CWF19L2: variants seen among roughly 807,000 people sequenced by gnomAD.
The protein encoded by CWF19L2 is CWF19-like protein 2.
CWF19L2 carries 98 observed loss-of-function variants against 111.7 expected under a neutral mutation model. The observed-to-expected ratio is 0.88, with a 90% confidence interval of 0.75 to 1.04. The LOEUF (loss-of-function observed/expected upper bound fraction) is 1.04. CWF19L2 is among the 50% of genes least tolerant of loss of function. The pLI is 0.00. For synonymous variants in CWF19L2, 351 were observed against 342.9 expected (o/e 1.02, Z -0.26); for missense variants, 1,101 against 1,051.4 (o/e 1.05, Z -0.65).
chr11:107,403,391 G>A lies in CWF19L2; in HGVS notation c.1618-10496C>T, dbSNP rs1224605695. The A allele has an allele frequency of 4.0e-6, 3 of 742,908 alleles. No individual in the cohort carries two copies. The African/African-American group carries it at 5.2e-5, about 13-fold the overall frequency. The allele number at this position is 742,908 out of a possible 1,614,324, so 46.0% of individuals were successfully genotyped here. A position where few individuals can be genotyped will look rare whatever the true frequency, so the allele number is the denominator to read the frequency against. Reference sequence around the variant, plus strand: ...AAACTATTTAGAACACATAAAACATGGCAACACTTATTCTTTTTTCTCATC... The same window carrying A: ...AAACTATTTAGAACACATAAAACATAGCAACACTTATTCTTTTTTCTCATC... On this transcript the variant is annotated intron_variant, in intron 10 of 17. Transcript: ENST00000282251.
intron 8 of CWF19L2, among the ~76,000 whole-genome samples, chr11:107,428,058 A>G (rs1861405144): frequency 6.6e-6 from 1 of 152,092 alleles, no homozygotes; most frequent in Non-Finnish European, 1.5e-5. Flanking sequence ...ATTTTTAAAC[A>G]TATTTTAATG....
chr11:107,378,995 A>G (rs927905213), intron 12 of CWF19L2, among the ~76,000 whole-genome samples: 2 of 152,166 alleles, frequency 1.3e-5, no homozygotes, highest in African/African-American at 4.8e-5. Flanking sequence ...TAGCTTTCTA[A>G]TCTAGGTTAG....
At chr11:107,453,856 A>G (rs973733066) in intron 3 of CWF19L2, among the ~76,000 whole-genome samples, 1 of 151,840 alleles carries the variant, frequency 6.6e-6, no homozygotes. Flanking sequence ...GCCTTAAGGG[A>G]ACATCAGTGG....
intron 10 of CWF19L2, chr11:107,403,672 C>T (rs964788447): frequency 7.7e-6 from 6 of 778,998 alleles, no homozygotes; most frequent in Middle Eastern, 2.3e-4. Context: ...CTTGTTCTTC[C>T]TCAGGAATGA....
chr11:107,420,007 C>T (rs765868512), intron 8 of CWF19L2, among the ~76,000 whole-genome samples: 1 of 151,508 alleles, frequency 6.6e-6, no homozygotes, highest in Non-Finnish European at 1.5e-5. Context: ...AGGTATAGTA[C>T]ACCATCAAAG....
At chr11:107,427,741 C>T (rs1482370465) in intron 8 of CWF19L2, among the ~76,000 whole-genome samples, 1 of 152,112 alleles carries the variant, frequency 6.6e-6, no homozygotes, top group Admixed American at 6.6e-5. Context: ...CAGCCTTAGA[C>T]AATAATCCCT....
chr11:107,330,116 C>T, intron 16 of CWF19L2, 97 bp from the exon 17 acceptor site: 1 of 621,610 alleles, frequency 1.6e-6, no homozygotes, highest in Non-Finnish European at 2.6e-6. Flanking sequence ...TAATCTTAAG[C>T]ATTCCTCAAG....
chr11:107,415,272 C>T (rs1392168141), intron 10 of CWF19L2, among the ~76,000 whole-genome samples: 1 of 152,144 alleles, frequency 6.6e-6, no homozygotes, highest in Non-Finnish European at 1.5e-5. Context: ...TTCACTCTTC[C>T]ATTAACTACA....
chr11:107,455,935 T>TA (rs1346481166), intron 1 of CWF19L2, among the ~76,000 whole-genome samples, 159 bp from the exon 2 acceptor site: 5 of 152,096 alleles, frequency 3.3e-5, no homozygotes, highest in African/African-American at 1.2e-4. Context: ...TGTAAAAAAA[T>TA]AAAAAAATAA....
At chr11:107,402,873 G>GTGTGTGTA (rs1247886311) in intron 10 of CWF19L2, among the ~76,000 whole-genome samples, 1 of 94,458 alleles carries the variant, frequency 1.1e-5, no homozygotes, top group African/African-American at 4.8e-5. Flanking sequence ...ACTGTGGTGT[G>GTGTGTGTA]TATATATATA....
At chr11:107,343,164 C>T (rs567557603) in intron 14 of CWF19L2, among the ~76,000 whole-genome samples, 3 of 152,304 alleles carry the variant, frequency 2.0e-5, no homozygotes, top group East Asian at 3.9e-4. Context: ...CTTTTATATC[C>T]TTGATGACTT....
At chr11:107,383,434 T>C (rs1860721557) in intron 12 of CWF19L2, among the ~76,000 whole-genome samples, 1 of 152,086 alleles carries the variant, frequency 6.6e-6, no homozygotes, top group South Asian at 2.1e-4. Context: ...GATTTAAGAG[T>C]AGAGGAAAAA....
intron 12 of CWF19L2, among the ~76,000 whole-genome samples, chr11:107,371,184 T>C (rs1352122276): frequency 7.4e-6 from 1 of 135,582 alleles, no homozygotes; most frequent in Non-Finnish European, 1.6e-5. Flanking sequence ...TTTGTATTTT[T>C]AGTAGAGACA....
At chr11:107,397,988 T>C (rs908903240) in intron 10 of CWF19L2, among the ~76,000 whole-genome samples, 5 of 152,144 alleles carry the variant, frequency 3.3e-5, no homozygotes, top group Non-Finnish European at 7.3e-5. Context: ...ATCAAGGGAA[T>C]ACCCCATGGG....
chr11:107,404,817 G>A (rs890445597), intron 10 of CWF19L2, among the ~76,000 whole-genome samples: 3 of 152,142 alleles, frequency 2.0e-5, no homozygotes, highest in African/African-American at 7.2e-5. Flanking sequence ...TACACCCAAA[G>A]CTAACCCACT....
chr11:107,361,169 T>C (rs1038264826), intron 12 of CWF19L2, among the ~76,000 whole-genome samples: 1 of 152,246 alleles, frequency 6.6e-6, no homozygotes, highest in Non-Finnish European at 1.5e-5. Flanking sequence ...TTCTTCTGCA[T>C]AGGGCAAACC....
At position 107,354,832 on chromosome 11, in the gene CWF19L2, T is replaced by G. The variant is rs1279627780; in HGVS notation, c.1873-1096A>C. Among the ~76,000 whole-genome samples, 3 of 152,186 alleles carry G rather than the reference T, an allele frequency of 2.0e-5. 1 individual carries two copies. The highest frequency in any genetic ancestry group is 4.1e-4 in the South Asian group (2 of 4,830). ...ATTTCCTGACAGGCTGTCTCATCAG[T>G]TGTAGTAAGTGTCTTCCTGGGTCAA... is the stretch of plus-strand genomic sequence containing the variant. On this transcript the variant is annotated intron_variant, in intron 12 of 17. Transcript: ENST00000282251.
At chr11:107,362,017 G>A (rs113595998) in intron 12 of CWF19L2, among the ~76,000 whole-genome samples, 2,686 of 152,322 alleles carry the variant, frequency 0.018, 61 homozygotes, top group African/African-American at 0.06. Context: ...CTTGGGAAGC[G>A]CAAGGGGTCA....
chr11:107,438,663 A>G (rs1469929711), intron 6 of CWF19L2, among the ~76,000 whole-genome samples: 2 of 152,212 alleles, frequency 1.3e-5, no homozygotes, highest in Non-Finnish European at 2.9e-5. Context: ...CCATAGTACT[A>G]ATAATTTAAA....
Sources: gnomAD v4.1 joint callset for allele counts (sites outside exome capture counted in the v4.1 genomes callset) on GRCh38, gnomAD v4.1.1 for gene constraint, MANE v1.5 for transcripts, NCBI Gene and HGNC (gene_info 2026-07-23, HGNC 2026-07-21) for gene names.